FBXO16: variants seen among roughly 807,000 people sequenced by gnomAD.
FBXO16 encodes the protein F-box only protein 16.
In FBXO16, 31 loss-of-function variants were observed where a neutral mutation model predicts 41.0. The observed-to-expected ratio is 0.76, with a 90% CI of 0.57 to 1.02. The LOEUF is 1.02. FBXO16 is among the 50% of genes least tolerant of loss of function. The pLI, the probability that FBXO16 is intolerant of heterozygous loss-of-function variation, is 0.00. For missense variants in FBXO16, 361 were observed against 346.2 expected, an observed-to-expected ratio of 1.04 and a Z score of -0.34; for synonymous variants, 133 against 117.8, an observed-to-expected ratio of 1.13 and a Z score of -0.84.
At chr8:28,455,842 CT>C (rs2048165299) in intron 5 of FBXO16, 1 of 152,172 alleles carries the variant, frequency 6.6e-6, no homozygotes, top group African/African-American at 2.4e-5. Context: ...TAGTTTATTA[CT>C]GTATTAAGTG....
intron 7 of FBXO16, among the ~76,000 whole-genome samples, chr8:28,437,323 G>A (rs1802701280): frequency 6.6e-6 from 1 of 152,180 alleles, no homozygotes; most frequent in African/African-American, 2.4e-5. Flanking sequence ...GATGAAACAA[G>A]AGGCAACAAG....
At chr8:28,445,949 T>A (rs983466391) in intron 7 of FBXO16, among the ~76,000 whole-genome samples, 1 of 152,142 alleles carries the variant, frequency 6.6e-6, no homozygotes, top group Non-Finnish European at 1.5e-5. Flanking sequence ...TATATGAACT[T>A]TGAATTCCAC....
At chr8:28,443,694 G>A (rs756047416) in intron 7 of FBXO16, among the ~76,000 whole-genome samples, 2 of 152,130 alleles carry the variant, frequency 1.3e-5, no homozygotes, top group Non-Finnish European at 2.9e-5. Context: ...GGCATTCTAA[G>A]TCACAGGATG....
intron 3 of FBXO16, chr8:28,465,360 T>C (rs1585910900): frequency 4.5e-6 from 2 of 448,314 alleles, no homozygotes; most frequent in South Asian, 3.2e-5. Flanking sequence ...TGGTGGCTCA[T>C]GTCTGTAATC....
At chr8:28,439,361 T>G (rs1802730220) in intron 7 of FBXO16, among the ~76,000 whole-genome samples, 1 of 152,142 alleles carries the variant, frequency 6.6e-6, no homozygotes, top group Non-Finnish European at 1.5e-5. Context: ...CCCAGGAATT[T>G]CATTGCTTGA....
At chr8:28,468,895 T>TAAAA (rs1357030387) in intron 3 of FBXO16, among the ~76,000 whole-genome samples, 1 of 151,432 alleles carries the variant, frequency 6.6e-6, no homozygotes, top group African/African-American at 2.4e-5. Flanking sequence ...ATCAATAGAA[T>TAAAA]AAAAAATGAA....
intron 4 of FBXO16, among the ~76,000 whole-genome samples, chr8:28,458,514 T>G (rs956180496): frequency 5.9e-5 from 9 of 151,376 alleles, no homozygotes; most frequent in South Asian, 4.2e-4. Context: ...GTCTCTCAAT[T>G]CTCATTCCTT....
At chr8:28,430,408 G>A (rs1411086103) in intron 7 of FBXO16, among the ~76,000 whole-genome samples, 1 of 152,182 alleles carries the variant, frequency 6.6e-6, no homozygotes, top group Non-Finnish European at 1.5e-5. Flanking sequence ...GAATCGACAG[G>A]TGTCTGCCTA....
At chr8:28,464,774 C>G (rs947006800) in intron 3 of FBXO16, among the ~76,000 whole-genome samples, 1 of 152,156 alleles carries the variant, frequency 6.6e-6, no homozygotes, top group Admixed American at 6.6e-5. Flanking sequence ...CTGCCTCAGC[C>G]TCCCGAGTAG....
At chr8:28,467,274 G>A (rs576925123) in intron 3 of FBXO16, among the ~76,000 whole-genome samples, 3 of 152,182 alleles carry the variant, frequency 2.0e-5, no homozygotes, top group African/African-American at 4.8e-5. Flanking sequence ...TAAACAAACC[G>A]TAATATATCA....
At chr8:28,471,603 G>A (rs1803335560) in intron 3 of FBXO16, among the ~76,000 whole-genome samples, 1 of 151,764 alleles carries the variant, frequency 6.6e-6, no homozygotes, top group Non-Finnish European at 1.5e-5. Context: ...TTTTTGCAGG[G>A]GTACATAGGC....
intron 1 of FBXO16, among the ~76,000 whole-genome samples, chr8:28,486,457 C>T (rs1453414730): frequency 6.6e-6 from 1 of 152,058 alleles, no homozygotes; most frequent in Non-Finnish European, 1.5e-5. Flanking sequence ...CTCCTGACCT[C>T]AGGTGATCCA....
At chr8:28,438,952 C>T (rs1410175399) in intron 7 of FBXO16, among the ~76,000 whole-genome samples, 1 of 151,596 alleles carries the variant, frequency 6.6e-6, no homozygotes, top group East Asian at 1.9e-4. Flanking sequence ...ATACAAAAAT[C>T]AGCCGGGCGT....
chr8:28,439,745 CAA>C (rs397975845), intron 7 of FBXO16, among the ~76,000 whole-genome samples: 1 of 134,514 alleles, frequency 7.4e-6, no homozygotes. Flanking sequence ...GACCCTGTCT[CAA>C]AAAAAAAAAA....
chr8:28,445,979 G>A (rs1036665458), intron 7 of FBXO16, among the ~76,000 whole-genome samples: 10 of 151,380 alleles, frequency 6.6e-5, no homozygotes, highest in Non-Finnish European at 7.4e-5. Context: ...TTTCTACTTC[G>A]TGCCAAAGAC....
intron 7 of FBXO16, among the ~76,000 whole-genome samples, chr8:28,432,081 A>G (rs1208623571): frequency 6.6e-6 from 1 of 151,670 alleles, no homozygotes; most frequent in African/African-American, 2.4e-5. Flanking sequence ...GCATGCTGTG[A>G]ACACCACTGC....
At chr8:28,433,506 G>A (rs942118486) in intron 7 of FBXO16, among the ~76,000 whole-genome samples, 1 of 152,196 alleles carries the variant, frequency 6.6e-6, no homozygotes, top group African/African-American at 2.4e-5. Flanking sequence ...CAGTACCAGT[G>A]GGGAGAGGCA....
At chr8:28,469,082 G>C (rs948806650) in intron 3 of FBXO16, among the ~76,000 whole-genome samples, 4 of 152,074 alleles carry the variant, frequency 2.6e-5, no homozygotes, top group African/African-American at 9.7e-5. Context: ...GCCGAGGCAG[G>C]CGGATCACCT....
At chr8:28,488,738 A>G (rs892472948) in intron 1 of FBXO16, among the ~76,000 whole-genome samples, 2 of 152,192 alleles carry the variant, frequency 1.3e-5, no homozygotes, top group African/African-American at 4.8e-5. Context: ...TTAAAAGACC[A>G]GTTGATCATG....
Sources: gnomAD v4.1 joint callset for allele counts (sites outside exome capture counted in the v4.1 genomes callset) on GRCh38, gnomAD v4.1.1 for gene constraint, MANE v1.5 for transcripts, NCBI Gene and HGNC (gene_info 2026-07-23, HGNC 2026-07-21) for gene names.